BBS9: variants seen among roughly 807,000 people sequenced by gnomAD.
BBS9 encodes Bardet-Biedl syndrome 9.
In BBS9, 89 loss-of-function variants were observed where a neutral mutation model predicts 117.7. That is an observed-to-expected ratio of 0.76 (90% CI 0.64 to 0.90). The LOEUF (loss-of-function observed/expected upper bound fraction) is 0.90, where lower values mean the gene tolerates loss of function less well. Among genes scored for constraint, BBS9 ranks in the 40% least tolerant of loss-of-function variants. BBS9 has a pLI of 0.00. For synonymous variants in BBS9, 379 were observed against 370.9 expected (o/e 1.02, Z -0.25); for missense variants, 982 against 1,042.2 (o/e 0.94, Z 0.80).
Position 33,267,578 on chromosome 7 carries a change from A to G in BBS9, c.702+3204A>G, listed in dbSNP as rs544195489. On this transcript the variant is annotated intron_variant, in intron 7 of 22. Coordinates refer to ENST00000242067, the MANE Select transcript of BBS9 (RefSeq NM_198428.3). Reference sequence around the variant, plus strand: ...TTCCAGTTTTTCTCTTTGACTTAACACAGTCTACCTTCAGGTGATATATTA... The same window carrying G: ...TTCCAGTTTTTCTCTTTGACTTAACGCAGTCTACCTTCAGGTGATATATTA... 1.1e-4 allele frequency among the ~76,000 whole-genome samples: 16 copies of G among 152,118 alleles called. No individual in the cohort carries two copies. The South Asian group carries it at 1.5e-3, about 14-fold the overall frequency.
At chr7:33,185,875 C>T (rs1475316570) in intron 5 of BBS9, among the ~76,000 whole-genome samples, 2 of 152,042 alleles carry the variant, frequency 1.3e-5, no homozygotes, top group Admixed American at 6.6e-5. Flanking sequence ...TTTGTGTGTG[C>T]GTCAAAATGA....
chr7:33,399,402 C>T (rs1828547769), intron 19 of BBS9, among the ~76,000 whole-genome samples: 1 of 152,136 alleles, frequency 6.6e-6, no homozygotes, highest in African/African-American at 2.4e-5. Context: ...TTGTTTAAAA[C>T]AATGTCATCA....
intron 19 of BBS9, among the ~76,000 whole-genome samples, chr7:33,388,709 A>C (rs1826492508): frequency 6.6e-6 from 1 of 152,210 alleles, no homozygotes; most frequent in Non-Finnish European, 1.5e-5. Context: ...TGTCACTCTT[A>C]AGGCACTGTC....
At chr7:33,414,544 T>C (rs1831669026) in intron 19 of BBS9, among the ~76,000 whole-genome samples, 1 of 152,200 alleles carries the variant, frequency 6.6e-6, no homozygotes, top group Non-Finnish European at 1.5e-5. Flanking sequence ...TTTTAAAAAT[T>C]GGGATCATCA....
chr7:33,548,392 A>G (rs367710605), intron 21 of BBS9, among the ~76,000 whole-genome samples: 81 of 151,846 alleles, frequency 5.3e-4, no homozygotes, highest in African/African-American at 1.8e-3. Context: ...ACATGTGCAC[A>G]TTGTGCAGGT....
intron 3 of BBS9, among the ~76,000 whole-genome samples, chr7:33,155,384 C>G (rs113411879): frequency 6.6e-6 from 1 of 152,208 alleles, no homozygotes; most frequent in East Asian, 1.9e-4. Context: ...GACCTCAGAT[C>G]TGACTTTTTC....
intron 21 of BBS9, among the ~76,000 whole-genome samples, chr7:33,635,053 C>T (rs535161312): frequency 7.9e-5 from 12 of 152,294 alleles, no homozygotes; most frequent in South Asian, 2.1e-4. Context: ...CCTTTTCCCC[C>T]GGTTCAATCC....
chr7:33,134,205 A>G (rs1414414351), intron 1 of BBS9, among the ~76,000 whole-genome samples: 1 of 144,632 alleles, frequency 6.9e-6, no homozygotes, highest in African/African-American at 2.6e-5. Flanking sequence ...ACCTGCCATC[A>G]CGCCTGGCTA....
chr7:33,399,807 G>T (rs916034464), intron 19 of BBS9, among the ~76,000 whole-genome samples: 10 of 152,126 alleles, frequency 6.6e-5, no homozygotes, highest in Non-Finnish European at 8.8e-5. Flanking sequence ...TTTCAGAAAA[G>T]ATATGTAAGT....
chr7:33,223,072 C>T (rs1790565180), intron 5 of BBS9, among the ~76,000 whole-genome samples: 2 of 151,732 alleles, frequency 1.3e-5, no homozygotes, highest in Non-Finnish European at 2.9e-5. Flanking sequence ...ACTTCAGGTC[C>T]CAACTTAACA....
chr7:33,487,807 T>A (rs561422129), intron 19 of BBS9, among the ~76,000 whole-genome samples: 77 of 152,290 alleles, frequency 5.1e-4, no homozygotes, highest in African/African-American at 1.3e-3. Flanking sequence ...ATGCCCAAAC[T>A]GAGAAATGTA....
At chr7:33,244,327 A>G (rs985016789) in intron 5 of BBS9, among the ~76,000 whole-genome samples, 17 of 152,214 alleles carry the variant, frequency 1.1e-4, no homozygotes, top group African/African-American at 4.1e-4. Context: ...GAAATGTTAC[A>G]GGTGAATGAA....
intron 12 of BBS9, 106 bp downstream of exon 12, chr7:33,344,740 C>A: frequency 1.7e-6 from 2 of 1,186,328 alleles, no homozygotes; most frequent in Non-Finnish European, 2.5e-6. Flanking sequence ...GTAAAATAAA[C>A]ACTTGGCATT....
At chr7:33,431,601 G>A (rs1044292742) in intron 19 of BBS9, among the ~76,000 whole-genome samples, 6 of 152,324 alleles carry the variant, frequency 3.9e-5, no homozygotes, top group African/African-American at 4.8e-5. Flanking sequence ...ACAGCTAGAA[G>A]GTGCCATCTA....
At chr7:33,490,263 C>T (rs565038347) in intron 19 of BBS9, among the ~76,000 whole-genome samples, 71 of 152,260 alleles carry the variant, frequency 4.7e-4, no homozygotes, top group Admixed American at 1.8e-3. Context: ...ATACATAACA[C>T]ATTTACTTAG....
At chr7:33,376,236 A>G (rs1020760129) in intron 17 of BBS9, among the ~76,000 whole-genome samples, 1 of 151,768 alleles carries the variant, frequency 6.6e-6, no homozygotes, top group African/African-American at 2.4e-5. Context: ...GCTTGTATCC[A>G]TGTGTTCTCA....
intron 21 of BBS9, among the ~76,000 whole-genome samples, chr7:33,588,246 A>G (rs1861283967): frequency 6.6e-6 from 1 of 152,152 alleles, no homozygotes; most frequent in Non-Finnish European, 1.5e-5. Flanking sequence ...CAGCTAAAGC[A>G]AAGAACTTTT....
chr7:33,338,425 C>T (rs1355788893), intron 10 of BBS9, among the ~76,000 whole-genome samples: 4 of 152,016 alleles, frequency 2.6e-5, no homozygotes, highest in Admixed American at 2.6e-4. Flanking sequence ...TTGATGACCC[C>T]ATTATTCATT....
At chr7:33,170,888 A>C (rs1335433456) in intron 4 of BBS9, among the ~76,000 whole-genome samples, 1 of 151,942 alleles carries the variant, frequency 6.6e-6, no homozygotes, top group African/African-American at 2.4e-5. Flanking sequence ...TAGGAATCCA[A>C]CTTACAAGGG....
Sources: allele counts gnomAD v4.1 joint callset (sites outside exome capture counted in the v4.1 genomes callset), GRCh38; gene constraint gnomAD v4.1.1; transcripts MANE v1.5; gene names NCBI Gene and HGNC (gene_info 2026-07-23, HGNC 2026-07-21).